MID1: variants seen among roughly 807,000 people sequenced by gnomAD.
The protein encoded by MID1 is E3 ubiquitin-protein ligase Midline-1.
MID1 carries 7 observed loss-of-function variants against 40.4 expected under a neutral mutation model. The ratio of observed to expected loss-of-function variants is 0.17; its 90% CI spans 0.10 to 0.33. The LOEUF is 0.33. Among genes scored for constraint, MID1 ranks in the 10% least tolerant of loss-of-function variants. The pLI, the probability that MID1 is intolerant of heterozygous loss-of-function variation, is 1.00. For missense variants in MID1, 367 were observed against 558.5 expected (o/e 0.66, Z 3.46); for synonymous variants, 229 against 221.2 (o/e 1.04, Z -0.31).
chrX:10,752,633 G>A (rs1343044629), intron 1 of MID1, among the ~76,000 whole-genome samples: 1 of 111,024 alleles, frequency 9.0e-6, no homozygotes, highest in African/African-American at 3.3e-5. Flanking sequence ...TTCTTTCTTG[G>A]CCTCCTTATT....
chrX:10,727,911 T>C (rs2043406301), intron 1 of MID1, among the ~76,000 whole-genome samples: 1 of 112,122 alleles, frequency 8.9e-6, no homozygotes, highest in African/African-American at 3.2e-5. Context: ...ATCGTAACAC[T>C]CTAGTTTAGA....
intron 7 of MID1, among the ~76,000 whole-genome samples, chrX:10,460,284 C>T (rs992334305): frequency 2.7e-5 from 3 of 111,244 alleles, no homozygotes; most frequent in African/African-American, 9.8e-5. Context: ...CAGCCAACGC[C>T]CAGCCAGTGC....
intron 1 of MID1, among the ~76,000 whole-genome samples, chrX:10,781,447 T>G (rs1041166258): frequency 6.3e-5 from 7 of 111,989 alleles, no homozygotes; most frequent in African/African-American, 2.3e-4. Context: ...AAATGTGTTA[T>G]GGATATTGAA....
At chrX:10,511,591 G>T (rs1932163235) in intron 3 of MID1, among the ~76,000 whole-genome samples, 2 of 111,721 alleles carry the variant, frequency 1.8e-5, no homozygotes, top group Admixed American at 1.9e-4. Context: ...GTCTTGCTAT[G>T]TTGCCCAGGT....
chrX:10,750,501 C>T (rs1331600632), intron 1 of MID1, among the ~76,000 whole-genome samples: 2 of 109,791 alleles, frequency 1.8e-5, no homozygotes, highest in South Asian at 4.0e-4. Flanking sequence ...CATGGTGGGA[C>T]GTGCCTGTAA....
intron 1 of MID1, among the ~76,000 whole-genome samples, chrX:10,682,253 T>C (rs2043066067): frequency 8.9e-6 from 1 of 112,080 alleles, no homozygotes; most frequent in Non-Finnish European, 1.9e-5. Context: ...AAAATTAAAC[T>C]GTATTTCAAA....
intron 3 of MID1, among the ~76,000 whole-genome samples, chrX:10,514,015 G>A (rs1166553873): frequency 8.9e-6 from 1 of 111,829 alleles, no homozygotes; most frequent in Non-Finnish European, 1.9e-5. Context: ...TCAGAAAAAA[G>A]CACACTTTCT....
Position 10,757,689 on chromosome X carries a change from G to A in MID1, c.-187+75865C>T, listed in dbSNP as rs2043641378. Reference sequence around the variant, plus strand: ...CTCTTACTTTTTAAAGTATTACATAGTTTAAGCTGGATGTTCTTTTTCTTG... The same window carrying A: ...CTCTTACTTTTTAAAGTATTACATAATTTAAGCTGGATGTTCTTTTTCTTG... On this transcript the variant is annotated intron_variant, in intron 1 of 10. Transcript: ENST00000380785. Among the ~76,000 whole-genome samples the A allele has an allele frequency of 2.7e-5, 3 of 111,534 alleles. No individual in the cohort carries two copies. In the Admixed American group the frequency reaches 2.9e-4, roughly 11 times the overall value.
chrX:10,602,934 T>G (rs183956655), intron 1 of MID1, among the ~76,000 whole-genome samples: 92 of 112,721 alleles, frequency 8.2e-4, no homozygotes, highest in Non-Finnish European at 1.6e-3. Context: ...GCAACCTTCC[T>G]TTTCATTAGA....
chrX:10,807,569 T>A (rs756192235), intron 1 of MID1, among the ~76,000 whole-genome samples: 8 of 111,761 alleles, frequency 7.2e-5, no homozygotes, highest in Non-Finnish European at 1.1e-4. Context: ...CTTGCTTCTG[T>A]TTGTGGAGGG....
chrX:10,463,268 G>A (rs1462654609), intron 7 of MID1, among the ~76,000 whole-genome samples: 5 of 112,012 alleles, frequency 4.5e-5, no homozygotes, highest in Non-Finnish European at 7.5e-5. Flanking sequence ...GATTGAAAAA[G>A]CTCCATAGAT....
chrX:10,655,916 C>A (rs1265103989), intron 1 of MID1, among the ~76,000 whole-genome samples: 1 of 110,097 alleles, frequency 9.1e-6, no homozygotes, highest in African/African-American at 3.3e-5. Context: ...CATGAGTGAC[C>A]CCAAGTGAGC....
At chrX:10,598,505 G>A (rs953480067) in intron 1 of MID1, among the ~76,000 whole-genome samples, 1 of 112,216 alleles carries the variant, frequency 8.9e-6, no homozygotes, top group African/African-American at 3.2e-5. Flanking sequence ...TAGAAAGGGA[G>A]ATGATGCAGG....
intron 4 of MID1, among the ~76,000 whole-genome samples, chrX:10,490,060 C>T: frequency 8.9e-6 from 1 of 111,791 alleles, no homozygotes; most frequent in Non-Finnish European, 1.9e-5. Flanking sequence ...TTAGAATCGG[C>T]TTGTCAATTT....
At chrX:10,817,572 C>CTTTCTT (rs1390653112) in intron 1 of MID1, among the ~76,000 whole-genome samples, 2 of 79,525 alleles carry the variant, frequency 2.5e-5, no homozygotes, top group African/African-American at 5.1e-5. Flanking sequence ...TTCTTTCTTT[C>CTTTCTT]TCTCTTTCTT....
chrX:10,599,485 A>G (rs1009652990), intron 1 of MID1, among the ~76,000 whole-genome samples: 5 of 112,548 alleles, frequency 4.4e-5, no homozygotes, highest in African/African-American at 1.3e-4. Flanking sequence ...GGAAACAGAA[A>G]CAGTGATGAT....
chrX:10,477,575 T>G (rs1054439003), intron 5 of MID1, among the ~76,000 whole-genome samples: 1 of 112,330 alleles, frequency 8.9e-6, no homozygotes, highest in African/African-American at 3.2e-5. Context: ...TTAGGCCATG[T>G]TTTTATTTCC....
chrX:10,829,819 T>C (rs866089604), intron 1 of MID1, among the ~76,000 whole-genome samples: 3 of 111,879 alleles, frequency 2.7e-5, no homozygotes, highest in Non-Finnish European at 5.6e-5. Context: ...CTTACAGGTA[T>C]GACCTTAGAA....
At chrX:10,748,969 A>T (rs1193808284) in intron 1 of MID1, among the ~76,000 whole-genome samples, 2 of 111,249 alleles carry the variant, frequency 1.8e-5, no homozygotes, top group African/African-American at 3.3e-5. Context: ...GGAATGATGT[A>T]TATTTCTCAT....
Sources: allele counts gnomAD v4.1 joint callset (sites outside exome capture counted in the v4.1 genomes callset), GRCh38; gene constraint gnomAD v4.1.1; transcripts MANE v1.5; gene names NCBI Gene and HGNC (gene_info 2026-07-23, HGNC 2026-07-21).